The following CDX4 variants were observed in gnomAD, a reference collection of about 807,000 sequenced individuals.
CDX4 encodes the protein homeobox protein CDX-4.
In CDX4, 11 loss-of-function variants were observed where a neutral mutation model predicts 14.1. The observed-to-expected ratio is 0.78, with a 90% confidence interval of 0.49 to 1.29. The LOEUF (loss-of-function observed/expected upper bound fraction) is 1.29. Among genes scored for constraint, CDX4 ranks in the 50% most tolerant of loss-of-function variants. The probability of loss-of-function intolerance (pLI) is 0.00; values close to 1 mark genes in which losing one functional copy is unlikely to be tolerated. For synonymous variants in CDX4, 100 were observed against 93.5 expected (o/e 1.07, Z -0.40); for missense variants, 257 against 237.4 (o/e 1.08, Z -0.54).
chrX:73,449,989 G>C (rs1479404835), intron 1 of CDX4, among the ~76,000 whole-genome samples: 5 of 111,676 alleles, frequency 4.5e-5, no homozygotes, highest in Non-Finnish European at 9.4e-5. Context: ...TTTGTTTAAT[G>C]AATGAATGAG....
In CDX4 at chrX:73,447,190, A is replaced by G; in HGVS notation, c.-64A>G. ...AAGTTTATTCTCTGCTGCTTCTCAA[A>G]GTCGAGTTGGGGCCTTACAGGGACT... is the stretch of plus-strand genomic sequence containing the variant. On this transcript the variant is annotated 5_prime_UTR_variant, in exon 1 of 3. Transcript: ENST00000373514. The G allele has an allele frequency of 8.9e-7, 1 of 1,126,468 alleles. No individual in the cohort carries two copies. The highest frequency in any genetic ancestry group is 1.2e-6 in the Non-Finnish European group (1 of 837,578). The allele number at this position is 1,126,468 out of a possible 1,213,427, so 92.8% of individuals were successfully genotyped here.
chrX:73,448,161 G>C (rs2057076985), intron 1 of CDX4, among the ~76,000 whole-genome samples: 1 of 111,289 alleles, frequency 9.0e-6, no homozygotes, highest in African/African-American at 3.3e-5. Flanking sequence ...ACTGCTGCTT[G>C]ACTGTTCCAT....
chrX:73,453,633 G>A lies in CDX4; in HGVS notation c.619G>A (p.Ala207Thr), dbSNP rs1235290726. 8.3e-7 allele frequency: 1 copy of A among 1,206,562 alleles called. No homozygotes were observed. Among genetic ancestry groups the A allele is most frequent in the Admixed American group, 2.2e-5 (1 of 45,429 alleles). ...YITIQRKSEL[A>T]VNLGLSERQV... is the part of the protein sequence containing the mutation. ...CACCATCCAGAGAAAATCAGAGCTG[G>A]CAGTTAACCTGGGCCTTTCCGAGAG... is the stretch of plus-strand genomic sequence containing the variant. Residue 207 changes from alanine (A) to threonine (T), a missense_variant, in exon 2 of 3, where the codon GCA becomes ACA. Physicochemically the swap from Ala to Thr is moderately conservative, Grantham distance 58. Coordinates refer to ENST00000373514, the MANE Select transcript of CDX4 (RefSeq NM_005193.2).
In CDX4 at chrX:73,454,646, C is replaced by A; in HGVS notation, c.*61C>A. The A allele has an allele frequency of 1.2e-6, 1 of 863,265 alleles. No individual in the cohort carries two copies. The highest frequency in any genetic ancestry group is 1.7e-6 in the Non-Finnish European group (1 of 596,077). 71.1% of individuals were successfully genotyped at this position (863,265 alleles called of 1,213,427 possible). A position where few individuals can be genotyped will look rare whatever the true frequency, so the allele number is the denominator to read the frequency against. On this transcript the variant is annotated 3_prime_UTR_variant, in exon 3 of 3. Coordinates refer to ENST00000373514, the MANE Select transcript of CDX4 (RefSeq NM_005193.2). ...TAGTGATGTCTTTTGGGTCTCTAAGCTATCTACAGGGGAGTTGGAGCAGGG... is the reference window on the plus strand; with the variant it reads ...TAGTGATGTCTTTTGGGTCTCTAAGATATCTACAGGGGAGTTGGAGCAGGG...
At chrX:73,449,991 A>T (rs2057082216) in intron 1 of CDX4, among the ~76,000 whole-genome samples, 1 of 111,882 alleles carries the variant, frequency 8.9e-6, no homozygotes, top group South Asian at 3.8e-4. Flanking sequence ...TGTTTAATGA[A>T]TGAATGAGTC....
rs199592731 is a variant in CDX4, at chrX:73,447,319, G to A, written c.66G>A (p.Gly22=). ...GMYPGTLMSP[G]GDGTAGTGGT... ...ACCCGGGCACTCTCATGAGCCCTGGGGGCGACGGCACAGCTGGGACAGGCG... is the reference window on the plus strand; with the variant it reads ...ACCCGGGCACTCTCATGAGCCCTGGAGGCGACGGCACAGCTGGGACAGGCG... Residue 22 remains glycine, a synonymous_variant, in exon 1 of 3, where the codon GGG becomes GGA. Transcript: ENST00000373514. 25 of 1,209,432 alleles carry A rather than the reference G, an allele frequency of 2.1e-5. 1 individual carries two copies. The African/African-American group carries it at 2.1e-4, about 10-fold the overall frequency.
intron 1 of CDX4, among the ~76,000 whole-genome samples, 196 bp downstream of exon 1, chrX:73,447,951 G>T (rs973394147): frequency 4.5e-5 from 5 of 111,987 alleles, no homozygotes; most frequent in African/African-American, 1.3e-4. Context: ...TGAGTGCAGC[G>T]ATTGGGACTA....
chrX:73,448,210 C>G (rs963612438), intron 1 of CDX4, among the ~76,000 whole-genome samples: 1 of 110,616 alleles, frequency 9.0e-6, no homozygotes, highest in Non-Finnish European at 1.9e-5. Context: ...TGTCTCCCCC[C>G]TCCCCGCCCC....
Position 73,447,730 on chromosome X carries a change from G to T in CDX4, c.477G>T (p.Trp159Cys), listed in dbSNP as rs2057075613. 3 of 1,185,019 alleles carry T rather than the reference G, an allele frequency of 2.5e-6. No homozygotes were observed. The highest frequency in any genetic ancestry group is 3.4e-6 in the Non-Finnish European group (3 of 885,896). ...GGAGCCGCCACAGCCCCTATGCATGGATGCGCAAGACGGTGCAGGTGACGG... is the reference window on the plus strand; with the variant it reads ...GGAGCCGCCACAGCCCCTATGCATGTATGCGCAAGACGGTGCAGGTGACGG... ...PSRSRHSPYA[W>C]MRKTVQVTGK... Residue 159 changes from tryptophan to cysteine, a missense_variant, in exon 1 of 3, where the codon TGG becomes TGT. Coordinates refer to ENST00000373514, the MANE Select transcript of CDX4 (RefSeq NM_005193.2).
intron 1 of CDX4, among the ~76,000 whole-genome samples, chrX:73,448,011 G>A (rs2057076617): frequency 8.9e-6 from 1 of 112,241 alleles, no homozygotes; most frequent in Admixed American, 9.4e-5. Context: ...TGAAGAAAGC[G>A]AGTGAGTGGA....
At chrX:73,450,990 G>C (rs965050576) in intron 1 of CDX4, among the ~76,000 whole-genome samples, 8 of 111,070 alleles carry the variant, frequency 7.2e-5, no homozygotes, top group Admixed American at 2.9e-4. Flanking sequence ...TGGGAGGATG[G>C]GAAGGACTCC....
chrX:73,447,684 C>T lies in CDX4; in HGVS notation c.431C>T (p.Ala144Val), dbSNP rs776034454. ...GSLVPTDAGA[A>V]KASSPSRSRH... ...CTTGTCCCGACGGACGCAGGCGCCG[C>T]CAAGGCCAGTTCCCCCAGCAGGAGC... The change falls in exon 1 of 3, where the codon GCC (alanine) becomes GTC (valine). Residue 144 changes from alanine (A) to valine (V), a missense_variant. Physicochemically the swap from Ala to Val is moderately conservative, Grantham distance 64 (BLOSUM62 0). Transcript: ENST00000373514. 5 of 1,204,338 alleles carry T rather than the reference C, an allele frequency of 4.2e-6. 1 individual carries two copies. Among genetic ancestry groups the T allele is most frequent in the Non-Finnish European group, 5.6e-6 (5 of 894,113 alleles).
intron 1 of CDX4, among the ~76,000 whole-genome samples, chrX:73,448,452 G>C (rs745365411): frequency 8.0e-5 from 9 of 112,264 alleles, no homozygotes; most frequent in Non-Finnish European, 1.1e-4. Flanking sequence ...CTACAGCACT[G>C]ACCTGGTACA....
chrX:73,454,551 CT>C lies in CDX4; in HGVS notation c.822del (p.Ile275LeufsTer7), dbSNP rs1178655664. 8.3e-7 allele frequency: 1 copy of C among 1,207,322 alleles called. No individual in the cohort carries two copies. Among genetic ancestry groups the C allele is most frequent in the African/African-American group, 1.8e-5 (1 of 56,957 alleles). On this transcript the variant is annotated frameshift_variant, in exon 3 of 3. Transcript: ENST00000373514. LOFTEE classifies it high-confidence loss of function. ...TTPSAVRGFQ[P>X]IEIQQVIVSE ...CCATCTGCTGTTCGTGGATTTCAAC[CT>C]ATTGAGATACAGCAGGTTATAGTCT...
At chrX:73,451,652 C>A (rs2057087129) in intron 1 of CDX4, among the ~76,000 whole-genome samples, 2 of 111,313 alleles carry the variant, frequency 1.8e-5, no homozygotes, top group African/African-American at 3.3e-5. Context: ...GGAAGGACTA[C>A]AACATTTCCA....
rs147482640 is a variant in CDX4, at chrX:73,451,552, G to A, written c.503-1965G>A. Among the ~76,000 whole-genome samples the A allele has an allele frequency of 1.7e-3, 191 of 111,131 alleles. 1 individual carries two copies. Among genetic ancestry groups the A allele is most frequent in the East Asian group, 0.011 (38 of 3,530 alleles). On this transcript the variant is annotated intron_variant, in intron 1 of 2. Coordinates refer to ENST00000373514, the MANE Select transcript of CDX4 (RefSeq NM_005193.2). ...AGGGGTTATATTGCCGGAAAGGGTA[G>A]GATTTTTATGGCAAATAAAGGGGCC... is the stretch of plus-strand genomic sequence containing the variant.
Position 73,447,217 on chromosome X carries a change from C to T in CDX4, c.-37C>T. On this transcript the variant is annotated 5_prime_UTR_variant, in exon 1 of 3. Coordinates refer to ENST00000373514, the MANE Select transcript of CDX4 (RefSeq NM_005193.2). ...TCGAGTTGGGGCCTTACAGGGACTT[C>T]AGGATGGCTTAGGGAGCGCCTTCTA... The T allele has an allele frequency of 8.4e-7, 1 of 1,185,220 alleles. No individual in the cohort carries two copies. The highest frequency in any genetic ancestry group is 1.1e-6 in the Non-Finnish European group (1 of 879,924).
chrX:73,447,784 C>A, intron 1 of CDX4, 29 bp downstream of exon 1: 1 of 1,144,653 alleles, frequency 8.7e-7, no homozygotes, highest in Non-Finnish European at 1.2e-6. Flanking sequence ...TGCCCACACA[C>A]TTTTCCTTCC....
At chrX:73,452,006 G>A (rs779258491) in intron 1 of CDX4, among the ~76,000 whole-genome samples, 7 of 110,977 alleles carry the variant, frequency 6.3e-5, no homozygotes, top group African/African-American at 9.8e-5. Context: ...TGACTGGACC[G>A]CATAGTTTTC....
Sources: gnomAD v4.1 joint callset for allele counts (sites outside exome capture counted in the v4.1 genomes callset) on GRCh38, gnomAD v4.1.1 for gene constraint, MANE v1.5 for transcripts, NCBI Gene and HGNC (gene_info 2026-07-23, HGNC 2026-07-21) for gene names.